Variants in FRMD4A observed in about 807,000 individuals in gnomAD.
FRMD4A encodes FERM domain-containing protein 4A.
FRMD4A carries 29 observed loss-of-function variants against 129.1 expected under a neutral mutation model. That is an observed-to-expected ratio of 0.22 (90% CI 0.17 to 0.31). The LOEUF is 0.31. Ranked by LOEUF, FRMD4A falls within the 10% of genes least tolerant of loss-of-function variation. The pLI is 1.00. For synonymous variants in FRMD4A, 634 were observed against 571.6 expected, an observed-to-expected ratio of 1.11 and a Z score of -1.56; for missense variants, 1,272 against 1,375.8, an observed-to-expected ratio of 0.92 and a Z score of 1.19.
intron 4 of FRMD4A, among the ~76,000 whole-genome samples, chr10:13,807,610 GCTTTATTAATGAATACAA>G (rs1460180697): frequency 6.6e-6 from 1 of 152,160 alleles, no homozygotes; most frequent in Non-Finnish European, 1.5e-5. Context: ...TGACTTAGAT[GCTTTATTAATGAATACAA>G]CTTATGGAGT....
intron 15 of FRMD4A, among the ~76,000 whole-genome samples, chr10:13,690,308 G>C (rs1186023154): frequency 3.3e-5 from 5 of 152,222 alleles, no homozygotes; most frequent in South Asian, 2.1e-4. Context: ...TTTCCCCATT[G>C]CAAGGGATGT....
intron 2 of FRMD4A, among the ~76,000 whole-genome samples, chr10:14,163,709 C>G (rs539356315): frequency 1.3e-5 from 2 of 152,210 alleles, no homozygotes; most frequent in Non-Finnish European, 2.9e-5. Context: ...AGCTTCTCCC[C>G]CTGCCTGAGA....
chr10:14,230,893 T>A (rs1843617002), intron 2 of FRMD4A, among the ~76,000 whole-genome samples: 1 of 152,226 alleles, frequency 6.6e-6, no homozygotes, highest in African/African-American at 2.4e-5. Flanking sequence ...ATTTGATTTT[T>A]CTGTTTCTGT....
At position 14,239,810 on chromosome 10, in the gene FRMD4A, T is replaced by G. The variant is rs112989389; in HGVS notation, c.45+90248A>C. Among the ~76,000 whole-genome samples, 490 of 152,316 alleles carry G rather than the reference T, an allele frequency of 3.2e-3. 3 individuals are homozygous for G. The highest frequency in any genetic ancestry group is 0.011 in the African/African-American group (474 of 41,582). On this transcript the variant is annotated intron_variant, in intron 2 of 24. Coordinates refer to ENST00000357447, the MANE Select transcript of FRMD4A (RefSeq NM_018027.5). ...GAAAGAGAGAAAAGAAAAGATGCTTTCTGAGTGAGTGTTTGCTCAGCTGAA... is the reference window on the plus strand; with the variant it reads ...GAAAGAGAGAAAAGAAAAGATGCTTGCTGAGTGAGTGTTTGCTCAGCTGAA...
chr10:14,219,999 A>G lies in FRMD4A; in HGVS notation c.45+110059T>C, dbSNP rs552359247. ...TCCCTATCTATTGCGAATGGTGTCTAGAGCCTATCTGTGAAGTGACGAAGC... is the reference window on the plus strand; with the variant it reads ...TCCCTATCTATTGCGAATGGTGTCTGGAGCCTATCTGTGAAGTGACGAAGC... On this transcript the variant is annotated intron_variant, in intron 2 of 24. Coordinates refer to ENST00000357447, the MANE Select transcript of FRMD4A (RefSeq NM_018027.5). Among the ~76,000 whole-genome samples, 22 of 152,284 alleles carry G rather than the reference A, an allele frequency of 1.4e-4. No individual in the cohort carries two copies. The South Asian group carries it at 4.6e-3, about 32-fold the overall frequency.
At chr10:13,747,553 T>A (rs897577011) in intron 9 of FRMD4A, among the ~76,000 whole-genome samples, 183 bp downstream of exon 9, 4 of 151,614 alleles carry the variant, frequency 2.6e-5, no homozygotes, top group Admixed American at 1.3e-4. Context: ...TTAATTATTT[T>A]AAAAATAAAT....
chr10:14,240,441 C>T (rs558919132), intron 2 of FRMD4A, among the ~76,000 whole-genome samples: 1 of 152,242 alleles, frequency 6.6e-6, no homozygotes, highest in East Asian at 1.9e-4. Context: ...CGATCTGCAG[C>T]GATTCCCACC....
intron 19 of FRMD4A, among the ~76,000 whole-genome samples, chr10:13,661,377 T>C (rs1177314192): frequency 5.3e-5 from 8 of 152,078 alleles, no homozygotes; most frequent in Non-Finnish European, 1.2e-4. Flanking sequence ...AGGAAGGGCT[T>C]GAACCAAAGT....
intron 2 of FRMD4A, among the ~76,000 whole-genome samples, chr10:14,262,995 G>T (rs1368600177): frequency 1.3e-5 from 2 of 152,192 alleles, no homozygotes; most frequent in African/African-American, 4.8e-5. Context: ...GTCAGTGCAG[G>T]CGAGAGGGGG....
Position 13,657,092 on chromosome 10 carries a change from G to T in FRMD4A, c.2497C>A (p.Arg833Ser). 1 of 1,573,026 alleles carries T rather than the reference G, an allele frequency of 6.4e-7. No individual in the cohort carries two copies. The highest frequency in any genetic ancestry group is 8.6e-7 in the Non-Finnish European group (1 of 1,165,882). Reference sequence around the variant, plus strand: ...ATGTACAGCGGGTACTCCTTGATGCGGTACTGCGAGCTGGGCTGGCTCTGG... The same window carrying T: ...ATGTACAGCGGGTACTCCTTGATGCTGTACTGCGAGCTGGGCTGGCTCTGG... ...HSQSQPSSQYRIKEYPLYIEG... is the reference protein window; with the variant it reads ...HSQSQPSSQYSIKEYPLYIEG... The change falls in exon 22 of 25, where the codon CGC (arginine) becomes AGC (serine). Residue 833 changes from arginine (R) to serine (S), a missense_variant. Arg to Ser is a moderately radical substitution (Grantham distance 110, BLOSUM62 -1). Coordinates refer to ENST00000357447, the MANE Select transcript of FRMD4A (RefSeq NM_018027.5).
At chr10:13,757,932 C>T (rs2091929119) in intron 8 of FRMD4A, among the ~76,000 whole-genome samples, 1 of 152,144 alleles carries the variant, frequency 6.6e-6, no homozygotes, top group Non-Finnish European at 1.5e-5. Context: ...TTAGTAGAGA[C>T]AGGGTTTCAC....
At chr10:13,970,709 C>A (rs1268195255) in intron 2 of FRMD4A, among the ~76,000 whole-genome samples, 1 of 152,192 alleles carries the variant, frequency 6.6e-6, no homozygotes, top group Non-Finnish European at 1.5e-5. Flanking sequence ...CTGCGCCCCC[C>A]ACTCCCCACG....
intron 2 of FRMD4A, among the ~76,000 whole-genome samples, chr10:13,988,351 T>C (rs193022762): frequency 3.9e-4 from 60 of 152,290 alleles, no homozygotes; most frequent in African/African-American, 1.4e-3. Flanking sequence ...GAGATCCTTT[T>C]AGAGTGGATT....
intron 2 of FRMD4A, among the ~76,000 whole-genome samples, chr10:13,963,059 T>G (rs2095456570): frequency 6.6e-6 from 1 of 152,158 alleles, no homozygotes; most frequent in African/African-American, 2.4e-5. Context: ...ATTGCAAAAA[T>G]ATGTTTCCGT....
At chr10:13,826,892 C>A (rs747516942) in intron 3 of FRMD4A, among the ~76,000 whole-genome samples, 4 of 152,176 alleles carry the variant, frequency 2.6e-5, no homozygotes, top group Non-Finnish European at 4.4e-5. Flanking sequence ...CCCTTCCCTT[C>A]TGGCATGTAA....
intron 2 of FRMD4A, among the ~76,000 whole-genome samples, chr10:14,237,317 G>C (rs1403478407): frequency 6.7e-6 from 1 of 149,852 alleles, no homozygotes; most frequent in Admixed American, 6.7e-5. Flanking sequence ...ACACATATGG[G>C]GCATCAATTT....
intron 2 of FRMD4A, among the ~76,000 whole-genome samples, chr10:13,902,456 G>GGAGAGAGAGA (rs140040052): frequency 0.034 from 4,299 of 127,674 alleles, 185 homozygotes; most frequent in African/African-American, 0.045. Flanking sequence ...GCAAAATACT[G>GGAGAGAGAGA]GAGAGAGAGA....
At chr10:13,961,255 C>A (rs2095444231) in intron 2 of FRMD4A, among the ~76,000 whole-genome samples, 1 of 152,122 alleles carries the variant, frequency 6.6e-6, no homozygotes, top group Non-Finnish European at 1.5e-5. Flanking sequence ...GGAGTTAACA[C>A]GACATGAAAA....
At chr10:14,196,748 T>G (rs1260820169) in intron 2 of FRMD4A, among the ~76,000 whole-genome samples, 1 of 152,230 alleles carries the variant, frequency 6.6e-6, no homozygotes, top group African/African-American at 2.4e-5. Context: ...TCAATAAATG[T>G]TAACTATTAT....
Sources: allele counts gnomAD v4.1 joint callset (sites outside exome capture counted in the v4.1 genomes callset), GRCh38; gene constraint gnomAD v4.1.1; transcripts MANE v1.5; gene names NCBI Gene and HGNC (gene_info 2026-07-23, HGNC 2026-07-21).